C8orf58: variants seen among roughly 807,000 people sequenced by gnomAD.
C8orf58 encodes the protein chromosome 8 open reading frame 58, also known as uncharacterized protein C8orf58.
A neutral mutation model predicts 36.8 loss-of-function variants in C8orf58; 31 were observed. The ratio of observed to expected loss-of-function variants is 0.84; its 90% CI spans 0.63 to 1.14. C8orf58 has a LOEUF of 1.14. Ranked by LOEUF, C8orf58 falls within the 50% of genes most tolerant of loss-of-function variation. The pLI, the probability that C8orf58 is intolerant of heterozygous loss-of-function variation, is 0.00. For missense variants in C8orf58, 538 were observed against 480.8 expected, an observed-to-expected ratio of 1.12 and a Z score of -1.11; for synonymous variants, 230 against 200.2, an observed-to-expected ratio of 1.15 and a Z score of -1.26.
chr8:22,602,610 A>G lies in C8orf58; in HGVS notation c.953A>G (p.Glu318Gly). ...RICRRSHHHPEPPAPPDGSDP... is the reference protein window; with the variant it reads ...RICRRSHHHPGPPAPPDGSDP... ...TGCCGGAGAAGCCACCACCACCCTG[A>G]GCCCCCTGCCCCTCCTGATGGCTCT... Residue 318 changes from glutamate (E) to glycine (G), a missense_variant, in exon 6 of 7, where the codon GAG becomes GGG. By Grantham distance (98) the Glu-to-Gly change is moderately conservative. Transcript: ENST00000289989. 1.3e-6 allele frequency: 2 copies of G among 1,562,942 alleles called. No homozygotes were observed. Among genetic ancestry groups the G allele is most frequent in the East Asian group, 2.3e-5 (1 of 44,370 alleles).
rs1281156011 is a variant in C8orf58, at chr8:22,600,891, G to A, written c.50G>A (p.Gly17Asp). 1 of 1,602,736 alleles carries A rather than the reference G, an allele frequency of 6.2e-7. No individual in the cohort carries two copies. ...CTGACTCTCCATGCAGATGGGGCTG[G>A]CGAGGGCCTGGCACGGGGCTGCATA... is the stretch of plus-strand genomic sequence containing the variant. ...AFAVDGRDGA[G>D]EGLARGCIVP... The change falls in exon 2 of 7, where the codon GGC becomes GAC. Residue 17 changes from glycine to aspartate, a missense_variant. Physicochemically the swap from Gly to Asp is moderately conservative, Grantham distance 94 (BLOSUM62 -1). Transcript: ENST00000289989.
chr8:22,600,092 A>C (rs1586937175), intron 1 of C8orf58: 1 of 218,266 alleles, frequency 4.6e-6, no homozygotes. Context: ...CCCCTCTCCC[A>C]CCCAGTGACC....
chr8:22,601,403 C>A, intron 2 of C8orf58, 46 bp downstream of exon 2: 2 of 1,418,884 alleles, frequency 1.4e-6, no homozygotes, highest in Non-Finnish European at 1.9e-6. Flanking sequence ...GATGGACAGC[C>A]TAGCTCCTCT....
chr8:22,600,787 C>T (rs1029854409), intron 1 of C8orf58, 95 bp from the exon 2 acceptor site: 8 of 1,089,332 alleles, frequency 7.3e-6, no homozygotes, highest in East Asian at 2.6e-5. Flanking sequence ...CTCACTGCTC[C>T]GGGACACTTC....
intron 5 of C8orf58, 47 bp downstream of exon 5, chr8:22,602,359 G>GC: frequency 1.2e-6 from 1 of 862,032 alleles, no homozygotes; most frequent in Non-Finnish European, 1.9e-6. Flanking sequence ...GGGGTGGGGG[G>GC]AGGGGAGGTG....
chr8:22,602,969 A>T (rs1800913854), intron 6 of C8orf58: 1 of 593,486 alleles, frequency 1.7e-6, no homozygotes, highest in Non-Finnish European at 3.0e-6. Context: ...GTTCGTGGGG[A>T]GAGCAAGGTG....
chr8:22,603,071 A>C (rs1800917676), intron 6 of C8orf58, 124 bp from the exon 7 acceptor site: 1 of 691,814 alleles, frequency 1.4e-6, no homozygotes, highest in Admixed American at 2.6e-5. Context: ...CAAGTCATTT[A>C]ACAGCCCCGG....
chr8:22,599,636 TC>T lies in C8orf58; in HGVS notation c.-82del. On this transcript the variant is annotated 5_prime_UTR_variant, in exon 1 of 7. Transcript: ENST00000289989. ...CGCGCCCAGCTGGGTCGGGACGCGC[TC>T]CCTGAGCTGCCCGAGCTCCGCGGGG... 1.5e-6 allele frequency: 1 copy of T among 683,698 alleles called. No homozygotes were observed. Among genetic ancestry groups the T allele is most frequent in the Non-Finnish European group, 1.9e-6 (1 of 527,100 alleles). The allele number at this position is 683,698 out of a possible 1,614,324, so 42.4% of individuals were successfully genotyped here. A position where few individuals can be genotyped will look rare whatever the true frequency, so the allele number is the denominator to read the frequency against.
intron 1 of C8orf58, chr8:22,600,022 C>A: frequency 3.0e-6 from 1 of 332,074 alleles, no homozygotes; most frequent in Non-Finnish European, 5.5e-6. Context: ...CCCTCGCCTT[C>A]CCGCTCCTTC....
At position 22,602,612 on chromosome 8, in the gene C8orf58, C is replaced by T. The variant is rs1196745917; in HGVS notation, c.955C>T (p.Pro319Ser). 3 of 1,560,266 alleles carry T rather than the reference C, an allele frequency of 1.9e-6. No individual in the cohort carries two copies. Among genetic ancestry groups the T allele is most frequent in the Admixed American group, 1.8e-5 (1 of 56,666 alleles). Reference protein sequence around the residue: ...ICRRSHHHPEPPAPPDGSDPR... With the variant: ...ICRRSHHHPESPAPPDGSDPR... ...CCGGAGAAGCCACCACCACCCTGAG[C>T]CCCCTGCCCCTCCTGATGGCTCTGA... is the stretch of plus-strand genomic sequence containing the variant. The change falls in exon 6 of 7, where the codon CCC (proline) becomes TCC (serine). Residue 319 changes from proline to serine, a missense_variant. Pro to Ser is a moderately conservative substitution (Grantham distance 74). Transcript: ENST00000289989.
At chr8:22,601,490 A>G in intron 2 of C8orf58, 133 bp downstream of exon 2, 1 of 933,376 alleles carries the variant, frequency 1.1e-6, no homozygotes, top group Non-Finnish European at 1.6e-6. Context: ...TTCTTTCTGC[A>G]CCCCAGTTCC....
intron 1 of C8orf58, chr8:22,600,360 C>G (rs1800811380): frequency 6.4e-6 from 1 of 156,214 alleles, no homozygotes; most frequent in South Asian, 2.0e-4. Flanking sequence ...AAGCCCAAAT[C>G]GGTTATAGCG....
In C8orf58 at chr8:22,602,997, C is replaced by T; in HGVS notation, c.987-198C>T. The T allele has an allele frequency of 5.0e-6, 3 of 603,238 alleles. No homozygotes were observed. The South Asian group carries it at 6.0e-5, about 12-fold the overall frequency. 37.4% of individuals were successfully genotyped at this position (603,238 alleles called of 1,614,324 possible). On this transcript the variant is annotated intron_variant, in intron 6 of 6. Transcript: ENST00000289989. ...GCAAGGTGGAGCACAAAGGATTTCA[C>T]AGTGGGTGAAGGCCATCATGCTTCG...
Position 22,600,890 on chromosome 8 carries a change from G to A in C8orf58, c.49G>A (p.Gly17Ser), listed in dbSNP as rs1439824581. The A allele has an allele frequency of 3.1e-6, 5 of 1,602,228 alleles. No individual in the cohort carries two copies. Among genetic ancestry groups the A allele is most frequent in the Non-Finnish European group, 4.3e-6 (5 of 1,175,602 alleles). Residue 17 changes from glycine to serine, a missense_variant, in exon 2 of 7, where the codon GGC becomes AGC. Physicochemically the swap from Gly to Ser is moderately conservative, Grantham distance 56. Coordinates refer to ENST00000289989, the MANE Select transcript of C8orf58 (RefSeq NM_001013842.3). Reference sequence around the variant, plus strand: ...GCTGACTCTCCATGCAGATGGGGCTGGCGAGGGCCTGGCACGGGGCTGCAT... The same window carrying A: ...GCTGACTCTCCATGCAGATGGGGCTAGCGAGGGCCTGGCACGGGGCTGCAT... ...AFAVDGRDGA[G>S]EGLARGCIVP...
chr8:22,600,980 G>T lies in C8orf58; in HGVS notation c.139G>T (p.Glu47Ter). ...CGCTGCCCACGGGTGCTCATCCTGG[G>T]AGAGAGGTGACAAGTTCAGAGGTGT... ...PDAAHGCSSW[E>*]RGDKFRGVGR... Residue 47 changes from glutamate to a stop codon, truncating the protein, a stop_gained, in exon 2 of 7, where the codon GAG becomes TAG. Transcript: ENST00000289989. LOFTEE classifies it high-confidence loss of function. The T allele has an allele frequency of 6.2e-7, 1 of 1,612,778 alleles. No homozygotes were observed. The highest frequency in any genetic ancestry group is 8.5e-7 in the Non-Finnish European group (1 of 1,180,024).
At position 22,603,392 on chromosome 8, in the gene C8orf58, C is replaced by T. The variant is rs779896080; in HGVS notation, c.*86C>T. 2 of 970,154 alleles carry T rather than the reference C, an allele frequency of 2.1e-6. No individual in the cohort carries two copies. The highest frequency in any genetic ancestry group is 2.4e-5 in the East Asian group (1 of 41,466). The allele number at this position is 970,154 out of a possible 1,614,324, so 60.1% of individuals were successfully genotyped here. ...CCTCTGCCCTCTTGCTGCTTCTCCA[C>T]ATTGCCAGGAAAAGCTGCTGACGCC... On this transcript the variant is annotated 3_prime_UTR_variant, in exon 7 of 7. Transcript: ENST00000289989.
At chr8:22,599,803 C>T (rs775699948) in intron 1 of C8orf58, 43 bp downstream of exon 1, 181 of 1,027,474 alleles carry the variant, frequency 1.8e-4, no homozygotes, top group Non-Finnish European at 2.1e-4. Flanking sequence ...CCCCCTGCCC[C>T]GGAGCCGCTT....
At position 22,602,523 on chromosome 8, in the gene C8orf58, C is replaced by A. The variant is rs1586939867; in HGVS notation, c.880-14C>A. 1 of 1,607,000 alleles carries A rather than the reference C, an allele frequency of 6.2e-7. No individual in the cohort carries two copies. Among genetic ancestry groups the A allele is most frequent in the Non-Finnish European group, 8.5e-7 (1 of 1,174,322 alleles). On this transcript the variant is annotated splice_polypyrimidine_tract_variant and intron_variant, in intron 5 of 6. Transcript: ENST00000289989. ...GTGGGGAGGGCTCTGGGTGACCCCT[C>A]ATCCTCTGCTCAGCGGGATATCTCC... is the stretch of plus-strand genomic sequence containing the variant.
rs1356377339 is a variant in C8orf58 at position 22,601,964 on chromosome 8, G to T, written c.658-8G>T. 1 of 1,551,870 alleles carries T rather than the reference G, an allele frequency of 6.4e-7. No individual in the cohort carries two copies. The highest frequency in any genetic ancestry group is 8.7e-7 in the Non-Finnish European group (1 of 1,145,768). On this transcript the variant is annotated splice_region_variant and splice_polypyrimidine_tract_variant and intron_variant, in intron 3 of 6. Transcript: ENST00000289989. ...CAGGCCCTGATCACCTGTCTCTCCT[G>T]TGCATAGGATCCCGGCGAGGAGGAG...
Sources: gnomAD v4.1 joint callset for allele counts on GRCh38, gnomAD v4.1.1 for gene constraint, MANE v1.5 for transcripts, NCBI Gene and HGNC (gene_info 2026-07-23, HGNC 2026-07-21) for gene names.